The following DGUOK variants were observed in gnomAD, a reference collection of about 807,000 sequenced individuals.
DGUOK encodes deoxyguanosine kinase, mitochondrial.
A neutral mutation model predicts 36.6 loss-of-function variants in DGUOK; 30 were observed. The ratio of observed to expected loss-of-function variants is 0.82; its 90% CI spans 0.61 to 1.11. The LOEUF (loss-of-function observed/expected upper bound fraction) is 1.11. Among genes scored for constraint, DGUOK ranks in the 50% most tolerant of loss-of-function variants. DGUOK has a pLI of 0.00. For missense variants in DGUOK, 361 were observed against 336.4 expected, an observed-to-expected ratio of 1.07 and a Z score of -0.57; for synonymous variants, 145 against 126.3, an observed-to-expected ratio of 1.15 and a Z score of -0.99.
At chr2:73,943,753 G>A (rs1387140612) in intron 2 of DGUOK, among the ~76,000 whole-genome samples, 4 of 151,714 alleles carry the variant, frequency 2.6e-5, no homozygotes, top group Non-Finnish European at 5.9e-5. Flanking sequence ...AGGTTCAAGC[G>A]ATTCTCCTGC....
Position 73,927,000 on chromosome 2 carries a change from A to C in DGUOK, c.90A>C (p.Arg30Ser), listed in dbSNP as rs781527681. 1.2e-6 allele frequency: 2 copies of C among 1,612,002 alleles called. No individual in the cohort carries two copies. The highest frequency in any genetic ancestry group is 2.2e-5 in the East Asian group (1 of 44,876). ...KSPLEGVSSS[R>S]GLHAGRGPRR... ...CACTCGAGGGCGTTTCCTCCTCCAG[A>C]GGCCTGCACGCGGGGCGCGGGCCCC... The change falls in exon 1 of 7, where the codon AGA (arginine) becomes AGC (serine). Residue 30 changes from arginine (R) to serine (S), a missense_variant. Coordinates refer to ENST00000264093, the MANE Select transcript of DGUOK (RefSeq NM_080916.3).
At chr2:73,935,313 G>T (rs1681376494) in intron 1 of DGUOK, among the ~76,000 whole-genome samples, 1 of 152,184 alleles carries the variant, frequency 6.6e-6, no homozygotes, top group African/African-American at 2.4e-5. Flanking sequence ...TATCATAAGA[G>T]ATTGGCTGAA....
chr2:73,942,261 A>G (rs1293864179), intron 2 of DGUOK, among the ~76,000 whole-genome samples: 1 of 152,152 alleles, frequency 6.6e-6, no homozygotes, highest in Non-Finnish European at 1.5e-5. Flanking sequence ...AATATAATAC[A>G]TTTCAGTTTT....
At chr2:73,936,734 T>C (rs1019748837) in intron 1 of DGUOK, among the ~76,000 whole-genome samples, 1 of 152,194 alleles carries the variant, frequency 6.6e-6, no homozygotes, top group Non-Finnish European at 1.5e-5. Flanking sequence ...AGTAATATAT[T>C]GTGTATTTTA....
intron 4 of DGUOK, among the ~76,000 whole-genome samples, chr2:73,955,058 A>T (rs546706544): frequency 2.6e-5 from 4 of 152,156 alleles, no homozygotes; most frequent in Non-Finnish European, 5.9e-5. Context: ...TACTGCCACC[A>T]GTTAAGACTT....
chr2:73,955,572 T>G (rs191137272), intron 4 of DGUOK, among the ~76,000 whole-genome samples: 51 of 152,222 alleles, frequency 3.4e-4, no homozygotes, highest in African/African-American at 1.2e-3. Flanking sequence ...CTTAAGTAAG[T>G]TATTGAAAGA....
At chr2:73,947,085 A>T in intron 3 of DGUOK, 179 bp downstream of exon 3, 1 of 680,162 alleles carries the variant, frequency 1.5e-6, no homozygotes, top group South Asian at 1.7e-5. Flanking sequence ...ATTGTCATCT[A>T]TGTCAAGAAA....
Position 73,958,128 on chromosome 2 carries a change from C to T in DGUOK, c.708-18C>T, listed in dbSNP as rs191311412. Reference sequence around the variant, plus strand: ...CATTTCTTTTTTTCTGTCCCCCAAACGTTCACGCTTCTTATAGGCTCCACT... The same window carrying T: ...CATTTCTTTTTTTCTGTCCCCCAAATGTTCACGCTTCTTATAGGCTCCACT... On this transcript the variant is annotated intron_variant, in intron 5 of 6. Coordinates refer to ENST00000264093, the MANE Select transcript of DGUOK (RefSeq NM_080916.3). The T allele has an allele frequency of 1.6e-5, 26 of 1,602,402 alleles. No individual in the cohort carries two copies. In the African/African-American group the frequency reaches 2.8e-4, roughly 17 times the overall value.
intron 2 of DGUOK, among the ~76,000 whole-genome samples, chr2:73,939,365 C>G (rs1414093013): frequency 2.0e-5 from 3 of 152,164 alleles, no homozygotes; most frequent in Non-Finnish European, 4.4e-5. Context: ...GGATTAATAG[C>G]TAATTATAGT....
chr2:73,953,177 C>T (rs992328486), intron 4 of DGUOK, among the ~76,000 whole-genome samples: 3 of 151,974 alleles, frequency 2.0e-5, no homozygotes, highest in Non-Finnish European at 2.9e-5. Flanking sequence ...CTCTTAAAGG[C>T]CCCACCTCTC....
chr2:73,933,192 A>G (rs1681189119), intron 1 of DGUOK, among the ~76,000 whole-genome samples: 1 of 152,354 alleles, frequency 6.6e-6, no homozygotes, highest in Admixed American at 6.5e-5. Context: ...TATTTTAAGT[A>G]TAAATGATTG....
rs376820508 is a variant in DGUOK, at chr2:73,957,226, T to G, written c.693T>G (p.Ile231Met). The G allele has an allele frequency of 1.9e-6, 3 of 1,613,810 alleles. No homozygotes were observed. In the African/African-American group the frequency reaches 4.0e-5, roughly 22 times the overall value. Residue 231 changes from isoleucine to methionine, a missense_variant, in exon 5 of 7, where the codon ATT becomes ATG. By Grantham distance (10) the Ile-to-Met change is conservative. Transcript: ENST00000264093. Reference sequence around the variant, plus strand: ...ATGGCCAACACGAAGCCTGGCTTATTCACAAGACAACGAAGTAAGTGGGGA... The same window carrying G: ...ATGGCCAACACGAAGCCTGGCTTATGCACAAGACAACGAAGTAAGTGGGGA... ...QLHGQHEAWL[I>M]HKTTKLHFEA...
chr2:73,929,028 G>T (rs1307118325), intron 1 of DGUOK, among the ~76,000 whole-genome samples: 1 of 152,192 alleles, frequency 6.6e-6, no homozygotes, highest in Non-Finnish European at 1.5e-5. Context: ...AGGGGCCAAT[G>T]ATGACTCCAA....
In DGUOK at chr2:73,958,711, T is replaced by TAAAC. The variant is rs1178093054; in HGVS notation, c.811_814dup (p.Thr272LysfsTer17). ...CTTCTGATTTTCTCCTTCCCACAGG[T>TAAAC]AAACACCTTTGTAAAGAATCTGTAA... is the stretch of plus-strand genomic sequence containing the variant. On this transcript the variant is annotated frameshift_variant and splice_region_variant, in exon 7 of 7. Coordinates refer to ENST00000264093, the MANE Select transcript of DGUOK (RefSeq NM_080916.3). LOFTEE classifies it high-confidence loss of function. The TAAAC allele has an allele frequency of 6.2e-7, 1 of 1,611,698 alleles. No individual in the cohort carries two copies. Among genetic ancestry groups the TAAAC allele is most frequent in the Non-Finnish European group, 8.5e-7 (1 of 1,177,714 alleles).
chr2:73,945,336 C>G (rs1214307823), intron 2 of DGUOK, among the ~76,000 whole-genome samples: 1 of 152,192 alleles, frequency 6.6e-6, no homozygotes, highest in Non-Finnish European at 1.5e-5. Context: ...TCATCACCCT[C>G]TTCCTTTTTG....
Position 73,958,213 on chromosome 2 carries a change from G to C in DGUOK, c.775G>C (p.Glu259Gln), listed in dbSNP as rs781156960. 6.2e-7 allele frequency: 1 copy of C among 1,613,852 alleles called. No individual in the cohort carries two copies. Among genetic ancestry groups the C allele is most frequent in the East Asian group, 2.2e-5 (1 of 44,858 alleles). The change falls in exon 6 of 7, where the codon GAA becomes CAA. Residue 259 changes from glutamate (E) to glutamine (Q), a missense_variant. Coordinates refer to ENST00000264093, the MANE Select transcript of DGUOK (RefSeq NM_080916.3). ...VLDVNDDFSE[E>Q]VTKQEDLMRE... ...GGATGTCAATGATGATTTTTCTGAG[G>C]AAGTAACCAAACAAGAAGACCTCAT...
At chr2:73,954,980 AAAGC>A (rs762029707) in intron 4 of DGUOK, among the ~76,000 whole-genome samples, 59 of 152,344 alleles carry the variant, frequency 3.9e-4, no homozygotes, top group Admixed American at 2.6e-3. Context: ...CGATATCAGT[AAAGC>A]AAGAGTTATG....
At position 73,953,470 on chromosome 2, in the gene DGUOK, A is replaced by T. The variant is rs377633107; in HGVS notation, c.591+2738A>T. Among the ~76,000 whole-genome samples the T allele has an allele frequency of 5.3e-5, 8 of 152,232 alleles. No homozygotes were observed. The East Asian group carries it at 1.4e-3, about 26-fold the overall frequency. On this transcript the variant is annotated intron_variant, in intron 4 of 6. Transcript: ENST00000264093. ...AGATGGGGATTTTAATGCTGTTTTG[A>T]TGGCATTAGTTCCAGAGATGCAGGA...
intron 3 of DGUOK, among the ~76,000 whole-genome samples, chr2:73,947,287 T>A (rs1232062006): frequency 1.3e-5 from 2 of 152,218 alleles, no homozygotes; most frequent in African/African-American, 4.8e-5. Context: ...AGTGGTTGAT[T>A]ATCCCCTTTA....
Sources: gnomAD v4.1 joint callset for allele counts (sites outside exome capture counted in the v4.1 genomes callset) on GRCh38, gnomAD v4.1.1 for gene constraint, MANE v1.5 for transcripts, NCBI Gene and HGNC (gene_info 2026-07-23, HGNC 2026-07-21) for gene names.